Variants in CSMD1 observed in about 807,000 individuals in gnomAD.
CSMD1 encodes the protein CUB and Sushi multiple domains 1, also known as CUB and sushi domain-containing protein 1.
Under a neutral mutation model 417.5 loss-of-function variants are expected in CSMD1, and 213 were observed. The ratio of observed to expected loss-of-function variants is 0.51; its 90% CI spans 0.46 to 0.57. The LOEUF is 0.57. CSMD1 is among the 20% of genes least tolerant of loss of function. The pLI, the probability that CSMD1 is intolerant of heterozygous loss-of-function variation, is 0.00. For missense variants in CSMD1, 6,923 were observed against 4,529.7 expected, an observed-to-expected ratio of 1.53 and a Z score of -15.17; for synonymous variants, 2,862 against 1,736.8, an observed-to-expected ratio of 1.65 and a Z score of -16.11.
At chr8:3,365,135 A>G (rs553661736) in intron 20 of CSMD1, among the ~76,000 whole-genome samples, 88 of 152,330 alleles carry the variant, frequency 5.8e-4, no homozygotes, top group African/African-American at 2.1e-3. Flanking sequence ...GAATGCAGAG[A>G]GAGAGGGATT....
At chr8:3,218,260 T>C (rs1797995628) in intron 29 of CSMD1, among the ~76,000 whole-genome samples, 1 of 152,052 alleles carries the variant, frequency 6.6e-6, no homozygotes, top group Non-Finnish European at 1.5e-5. Context: ...TGGAAAATGT[T>C]GAGATAAAAT....
At chr8:4,429,785 A>G (rs1797767477) in intron 2 of CSMD1, among the ~76,000 whole-genome samples, 1 of 152,134 alleles carries the variant, frequency 6.6e-6, no homozygotes, top group African/African-American at 2.4e-5. Context: ...TATTTGTTGA[A>G]ATATACCGGC....
At chr8:3,808,744 A>T (rs1800892682) in intron 5 of CSMD1, among the ~76,000 whole-genome samples, 1 of 152,204 alleles carries the variant, frequency 6.6e-6, no homozygotes, top group Non-Finnish European at 1.5e-5. Context: ...TTCCTAGCAT[A>T]GCCTTGCAAG....
chr8:3,128,745 T>A (rs1399643413), intron 41 of CSMD1: 1 of 397,326 alleles, frequency 2.5e-6, no homozygotes, highest in Non-Finnish European at 4.9e-6. Context: ...TTTATTTTTA[T>A]ATCTCAGTGA....
chr8:3,469,923 T>G lies in CSMD1; in HGVS notation c.1449-1099A>C, dbSNP rs565074301. Among the ~76,000 whole-genome samples, 61 of 152,376 alleles carry G rather than the reference T, an allele frequency of 4.0e-4. 1 individual carries two copies. The South Asian group carries it at 0.013, about 32-fold the overall frequency. The stretch of plus-strand genomic sequence containing the variant: ...GTCTTCGTTGGCAACATTGTTCTTT[T>G]TCATTTGCTTGTTTTGTTGGCTTGT... On this transcript the variant is annotated intron_variant, in intron 11 of 69. Coordinates refer to ENST00000635120, the MANE Select transcript of CSMD1 (RefSeq NM_033225.6).
At chr8:3,713,662 T>A (rs138825174) in intron 6 of CSMD1, among the ~76,000 whole-genome samples, 1 of 152,180 alleles carries the variant, frequency 6.6e-6, no homozygotes, top group South Asian at 2.1e-4. Context: ...GCTTTACCTA[T>A]AAAGGGAGAT....
chr8:3,924,184 T>G (rs952725030), intron 5 of CSMD1, among the ~76,000 whole-genome samples: 4 of 152,186 alleles, frequency 2.6e-5, no homozygotes, highest in African/African-American at 9.6e-5. Flanking sequence ...TGGCAGCTCT[T>G]TACTTTCATA....
chr8:3,151,507 C>T lies in CSMD1; in HGVS notation c.5921G>A (p.Cys1974Tyr), dbSNP rs774116147. ...ACCCAAGGTGCTCAGCGTCCCTCCA[C>T]AGGTTGCTGTTAAGTGGACAAGATG... ...NYPSPLCIAT[C>Y]GGTLSTLGGV... Residue 1974 changes from cysteine to tyrosine, a missense_variant, in exon 40 of 70, where the codon TGT becomes TAT. Coordinates refer to ENST00000635120, the MANE Select transcript of CSMD1 (RefSeq NM_033225.6). 6.2e-7 allele frequency: 1 copy of T among 1,609,826 alleles called. No individual in the cohort carries two copies. Among genetic ancestry groups the T allele is most frequent in the Non-Finnish European group, 8.5e-7 (1 of 1,177,178 alleles).
chr8:4,440,954 G>A (rs1337078999), intron 2 of CSMD1, among the ~76,000 whole-genome samples: 5 of 150,808 alleles, frequency 3.3e-5, no homozygotes, highest in Non-Finnish European at 7.4e-5. Flanking sequence ...CCGAGATCAT[G>A]CCACTGCACT....
At chr8:3,954,422 G>A (rs1200657456) in intron 5 of CSMD1, among the ~76,000 whole-genome samples, 3 of 152,124 alleles carry the variant, frequency 2.0e-5, no homozygotes, top group Non-Finnish European at 4.4e-5. Flanking sequence ...GAGTGCAGTG[G>A]CGGTGGTGAT....
chr8:3,121,330 T>C (rs1409080518), intron 41 of CSMD1, among the ~76,000 whole-genome samples: 2 of 152,206 alleles, frequency 1.3e-5, no homozygotes, highest in African/African-American at 4.8e-5. Context: ...TGCAATGATA[T>C]GTCTCTGAAC....
chr8:4,780,415 ATCTG>A (rs142711514), intron 1 of CSMD1, among the ~76,000 whole-genome samples: 36 of 151,738 alleles, frequency 2.4e-4, no homozygotes, highest in African/African-American at 7.5e-4. Flanking sequence ...TGATCAGTCG[ATCTG>A]TCTGTCTGTC....
intron 2 of CSMD1, among the ~76,000 whole-genome samples, chr8:4,453,281 G>C (rs143272114): frequency 2.0e-5 from 3 of 151,242 alleles, no homozygotes; most frequent in Non-Finnish European, 4.4e-5. Context: ...ACCAAAACAT[G>C]AATTTACACT....
intron 5 of CSMD1, among the ~76,000 whole-genome samples, chr8:3,990,195 G>T (rs1013400851): frequency 1.3e-5 from 2 of 152,178 alleles, no homozygotes; most frequent in African/African-American, 4.8e-5. Flanking sequence ...AGAAAGAAGT[G>T]TGATTACAAA....
chr8:4,231,387 G>A (rs528509831), intron 3 of CSMD1, among the ~76,000 whole-genome samples: 51 of 152,204 alleles, frequency 3.4e-4, no homozygotes, highest in African/African-American at 7.7e-4. Flanking sequence ...GAGAGAATAG[G>A]AGCATATTTG....
At chr8:3,746,799 G>A (rs1353065953) in intron 6 of CSMD1, among the ~76,000 whole-genome samples, 8 of 151,968 alleles carry the variant, frequency 5.3e-5, no homozygotes, top group African/African-American at 1.2e-4. Context: ...TTAATATACC[G>A]AGAGAAACAA....
chr8:4,251,828 T>G, intron 3 of CSMD1, among the ~76,000 whole-genome samples: 1 of 133,222 alleles, frequency 7.5e-6, no homozygotes, highest in East Asian at 2.2e-4. Flanking sequence ...GGAGGAGAGA[T>G]GGAAGAGGAG....
At chr8:3,029,675 A>G (rs1810210013) in intron 50 of CSMD1, among the ~76,000 whole-genome samples, 162 bp from the exon 51 acceptor site, 1 of 152,056 alleles carries the variant, frequency 6.6e-6, no homozygotes, top group Admixed American at 6.6e-5. Flanking sequence ...CCACATAGAC[A>G]TATGGGAATG....
At chr8:4,234,916 G>T (rs933521368) in intron 3 of CSMD1, among the ~76,000 whole-genome samples, 2 of 152,280 alleles carry the variant, frequency 1.3e-5, no homozygotes, top group Non-Finnish European at 2.9e-5. Context: ...CCTCTGTGTT[G>T]TCTGTTGTAA....
Sources: gnomAD v4.1 joint callset for allele counts (sites outside exome capture counted in the v4.1 genomes callset) on GRCh38, gnomAD v4.1.1 for gene constraint, MANE v1.5 for transcripts, NCBI Gene and HGNC (gene_info 2026-07-23, HGNC 2026-07-21) for gene names.